Variants in TBL1X observed in about 807,000 individuals in gnomAD.
TBL1X encodes transducin beta like 1 X-linked.
Under a neutral mutation model 50.7 loss-of-function variants are expected in TBL1X, and 10 were observed. That is an observed-to-expected ratio of 0.20 (90% CI 0.12 to 0.33). The LOEUF (loss-of-function observed/expected upper bound fraction) is 0.33. TBL1X is among the 10% of genes least tolerant of loss of function. The pLI, the probability that TBL1X is intolerant of heterozygous loss-of-function variation, is 1.00. For synonymous variants in TBL1X, 190 were observed against 214.7 expected (o/e 0.88, Z 1.01); for missense variants, 340 against 504.4 (o/e 0.67, Z 3.12).
chrX:9,483,614 C>T (rs746531575), intron 1 of TBL1X, among the ~76,000 whole-genome samples: 2 of 111,246 alleles, frequency 1.8e-5, no homozygotes, highest in South Asian at 3.8e-4. Flanking sequence ...CCTCCCTCCC[C>T]CTGAAGCCTG....
At chrX:9,486,960 T>C (rs184797564) in intron 1 of TBL1X, among the ~76,000 whole-genome samples, 41 of 111,966 alleles carry the variant, frequency 3.7e-4, no homozygotes, top group African/African-American at 1.3e-3. Context: ...CCGCTTCTTA[T>C]CTTTGCTGTT....
intron 2 of TBL1X, among the ~76,000 whole-genome samples, chrX:9,553,308 C>G (rs532454564): frequency 1.8e-5 from 2 of 111,814 alleles, no homozygotes; most frequent in African/African-American, 6.5e-5. Flanking sequence ...GATGTGGGCC[C>G]ATGAGCCAAG....
chrX:9,528,762 G>A (rs918836110), intron 2 of TBL1X, among the ~76,000 whole-genome samples: 5 of 109,080 alleles, frequency 4.6e-5, no homozygotes, highest in South Asian at 4.2e-4. Context: ...CTGGGGCGGG[G>A]TCACAGAGTC....
At chrX:9,621,432 A>G (rs1315498481) in intron 2 of TBL1X, among the ~76,000 whole-genome samples, 1 of 112,082 alleles carries the variant, frequency 8.9e-6, no homozygotes, top group African/African-American at 3.2e-5. Flanking sequence ...CAGAGAATAT[A>G]CATTAATATC....
chrX:9,491,054 T>A (rs1184967065), intron 1 of TBL1X, among the ~76,000 whole-genome samples: 1 of 107,882 alleles, frequency 9.3e-6, no homozygotes, highest in Non-Finnish European at 1.9e-5. Flanking sequence ...TCATAGCTCA[T>A]TGCAGCCTTG....
intron 5 of TBL1X, among the ~76,000 whole-genome samples, chrX:9,663,363 T>C (rs1184330287): frequency 8.9e-6 from 1 of 112,007 alleles, no homozygotes; most frequent in Non-Finnish European, 1.9e-5. Context: ...GCCTGTGCCG[T>C]GGAGCACCAC....
intron 12 of TBL1X, among the ~76,000 whole-genome samples, chrX:9,703,530 G>A (rs1206656460): frequency 4.5e-5 from 5 of 111,655 alleles, no homozygotes; most frequent in Middle Eastern, 4.6e-3. Flanking sequence ...CCTGCAGTCC[G>A]TGGACGCCTG....
intron 2 of TBL1X, among the ~76,000 whole-genome samples, chrX:9,529,016 G>C (rs749942151): frequency 8.9e-6 from 1 of 111,964 alleles, no homozygotes; most frequent in Admixed American, 9.4e-5. Context: ...ATACGGAGTG[G>C]AAAAGTTTTC....
rs183764590 is a variant in TBL1X, at chrX:9,709,550, T to C, written c.1312-83T>C. The C allele has an allele frequency of 1.8e-3, 2,127 of 1,164,664 alleles. 20 individuals are homozygous for C. In the African/African-American group the frequency reaches 0.033, roughly 18 times the overall value. On this transcript the variant is annotated intron_variant, in intron 14 of 17. Coordinates refer to ENST00000645353, the MANE Select transcript of TBL1X (RefSeq NM_005647.4). ...CCTCCACCCTGCCCTGGGCCCCGTG[T>C]GCACCCCCGGGAGGAATGATTCCAC...
At chrX:9,486,669 T>C (rs1359116091) in intron 1 of TBL1X, among the ~76,000 whole-genome samples, 2 of 108,601 alleles carry the variant, frequency 1.8e-5, no homozygotes, top group African/African-American at 6.7e-5. Flanking sequence ...TGTATTTTGA[T>C]ATCTCATGTC....
At chrX:9,550,503 CAACTTTGATTTTT>C (rs2082265562) in intron 2 of TBL1X, among the ~76,000 whole-genome samples, 1 of 112,016 alleles carries the variant, frequency 8.9e-6, no homozygotes. Flanking sequence ...CGAAAGAAAG[CAACTTTGATTTTT>C]ATTAGACTCT....
chrX:9,671,228 G>C (rs187294228), intron 5 of TBL1X, among the ~76,000 whole-genome samples: 1 of 112,597 alleles, frequency 8.9e-6, no homozygotes, highest in African/African-American at 3.2e-5. Flanking sequence ...CATAAGGCAC[G>C]AAGTCCAGGT....
chrX:9,549,250 A>G (rs2082259647), intron 2 of TBL1X, among the ~76,000 whole-genome samples: 1 of 112,325 alleles, frequency 8.9e-6, no homozygotes, highest in Admixed American at 9.4e-5. Flanking sequence ...GTCCACGTCC[A>G]CTGTGCTCCT....
intron 2 of TBL1X, among the ~76,000 whole-genome samples, chrX:9,569,081 CTGTG>C (rs1197361871): frequency 1.1e-5 from 1 of 93,714 alleles, no homozygotes; most frequent in Admixed American, 1.2e-4. Flanking sequence ...GTCTGGTGTG[CTGTG>C]TGTGTGTCTC....
intron 2 of TBL1X, among the ~76,000 whole-genome samples, chrX:9,572,273 C>T (rs1221757158): frequency 8.9e-6 from 1 of 112,646 alleles, no homozygotes; most frequent in African/African-American, 3.2e-5. Context: ...CACATGTTAA[C>T]CCTGTGCCAG....
At chrX:9,532,869 CTGGGGCT>C (rs1351870435) in intron 2 of TBL1X, among the ~76,000 whole-genome samples, 1 of 111,165 alleles carries the variant, frequency 9.0e-6, no homozygotes, top group Non-Finnish European at 1.9e-5. Context: ...TTCTGAGGTC[CTGGGGCT>C]TAAGGCTTCA....
intron 15 of TBL1X, among the ~76,000 whole-genome samples, chrX:9,711,341 CAAAA>C (rs35046287): frequency 2.6e-5 from 2 of 76,412 alleles, no homozygotes; most frequent in Non-Finnish European, 2.5e-5. Flanking sequence ...GACCCCATCT[CAAAA>C]AAAAAAAAAA....
At chrX:9,562,967 T>C in intron 2 of TBL1X, among the ~76,000 whole-genome samples, 1 of 112,482 alleles carries the variant, frequency 8.9e-6, no homozygotes, top group Non-Finnish European at 1.9e-5. Flanking sequence ...TTTCTGTCTA[T>C]GTCCTTGGCA....
intron 2 of TBL1X, among the ~76,000 whole-genome samples, chrX:9,599,237 A>C (rs897934579): frequency 3.6e-5 from 4 of 111,448 alleles, no homozygotes; most frequent in Non-Finnish European, 7.5e-5. Flanking sequence ...AGCCACTGCA[A>C]CTGGCCAAAT....
Sources: allele counts gnomAD v4.1 joint callset (sites outside exome capture counted in the v4.1 genomes callset), GRCh38; gene constraint gnomAD v4.1.1; transcripts MANE v1.5; gene names NCBI Gene and HGNC (gene_info 2026-07-23, HGNC 2026-07-21).